Variants in B4GALNT2 observed in about 807,000 individuals in gnomAD.
B4GALNT2 encodes the protein N-acetylneuraminylgalactosylglucosyl-glucoside beta-1,4-N- acetylgalactosaminyltransferase 2.
A neutral mutation model predicts 51.1 loss-of-function variants in B4GALNT2; 42 were observed. That is an observed-to-expected ratio of 0.82 (90% CI 0.64 to 1.06). B4GALNT2 has a LOEUF of 1.06. Among genes scored for constraint, B4GALNT2 ranks in the 50% least tolerant of loss-of-function variants. The probability of loss-of-function intolerance (pLI) is 0.00; values close to 1 mark genes in which losing one functional copy is unlikely to be tolerated. For synonymous variants in B4GALNT2, 253 were observed against 251.7 expected, an observed-to-expected ratio of 1.01 and a Z score of -0.05; for missense variants, 602 against 633.6, an observed-to-expected ratio of 0.95 and a Z score of 0.54.
chr17:49,152,549 T>G (rs2042768246), intron 3 of B4GALNT2, among the ~76,000 whole-genome samples: 1 of 152,096 alleles, frequency 6.6e-6, no homozygotes. Flanking sequence ...GGAGGCGCAC[T>G]CCTATAATCC....
At chr17:49,141,039 A>AT (rs920301038) in intron 1 of B4GALNT2, among the ~76,000 whole-genome samples, 72 of 144,966 alleles carry the variant, frequency 5.0e-4, no homozygotes, top group African/African-American at 1.7e-3. Flanking sequence ...TTTTTTCTGG[A>AT]TTTTTTTGCC....
chr17:49,167,599 T>C (rs1429216070), intron 9 of B4GALNT2, among the ~76,000 whole-genome samples: 1 of 145,944 alleles, frequency 6.9e-6, no homozygotes, highest in East Asian at 2.0e-4. Flanking sequence ...TTTTCAACCC[T>C]CACCTACTCT....
intron 1 of B4GALNT2, among the ~76,000 whole-genome samples, chr17:49,133,567 C>T (rs1219423273): frequency 6.6e-6 from 1 of 152,184 alleles, no homozygotes; most frequent in Non-Finnish European, 1.5e-5. Context: ...AAGAAGTCAT[C>T]TCACAAAAAT....
chr17:49,137,271 G>A (rs566829839), intron 1 of B4GALNT2, among the ~76,000 whole-genome samples: 1 of 152,312 alleles, frequency 6.6e-6, no homozygotes, highest in African/African-American at 2.4e-5. Context: ...ATTAGACAAT[G>A]TTAAGAAATG....
At chr17:49,162,935 A>AAAAAC (rs2042878117) in intron 7 of B4GALNT2, among the ~76,000 whole-genome samples, 1 of 146,194 alleles carries the variant, frequency 6.8e-6, no homozygotes, top group African/African-American at 2.5e-5. Context: ...AAAAAAAAAA[A>AAAAAC]GGGCAAGAGG....
Position 49,175,510 on chromosome 17 carries a change from C to T in B4GALNT2, c.*5782C>T, listed in dbSNP as rs1466920821. 1 of 152,180 alleles carries T rather than the reference C, an allele frequency of 6.6e-6. No individual in the cohort carries two copies. The highest frequency in any genetic ancestry group is 1.5e-5 in the Non-Finnish European group (1 of 68,044). The allele number at this position is 152,180 out of a possible 1,614,324, so 9.4% of individuals were successfully genotyped here. On this transcript the variant is annotated 3_prime_UTR_variant, in exon 11 of 11. Coordinates refer to ENST00000393354, the MANE Select transcript of B4GALNT2 (RefSeq NM_001159387.2). ...CTACCTAGAAGTAATCCTATCATCCCCCCGGCAAGCATCCACAGACCCCTA... is the reference window on the plus strand; with the variant it reads ...CTACCTAGAAGTAATCCTATCATCCTCCCGGCAAGCATCCACAGACCCCTA...
At chr17:49,145,409 A>C (rs935089424) in intron 3 of B4GALNT2, among the ~76,000 whole-genome samples, 4 of 152,236 alleles carry the variant, frequency 2.6e-5, no homozygotes, top group Non-Finnish European at 5.9e-5. Flanking sequence ...AAATAAAATG[A>C]AGATATTTTC....
In B4GALNT2 at chr17:49,174,893, C is replaced by A. The variant is rs1418097072; in HGVS notation, c.*5165C>A. On this transcript the variant is annotated 3_prime_UTR_variant, in exon 11 of 11. Transcript: ENST00000393354. ...TTCCTAGTCCCATACCAGGGACATACCCCATTTCATGCACCATACGTTGAC... is the reference window on the plus strand; with the variant it reads ...TTCCTAGTCCCATACCAGGGACATAACCCATTTCATGCACCATACGTTGAC... 1.3e-5 allele frequency: 2 copies of A among 152,150 alleles called. No homozygotes were observed. Among genetic ancestry groups the A allele is most frequent in the African/African-American group, 2.4e-5 (1 of 41,442 alleles). The allele number at this position is 152,150 out of a possible 1,614,324, so 9.4% of individuals were successfully genotyped here.
At chr17:49,142,683 CTG>C (rs2042655857) in intron 3 of B4GALNT2, among the ~76,000 whole-genome samples, 2 of 151,604 alleles carry the variant, frequency 1.3e-5, no homozygotes, top group Admixed American at 6.6e-5. Flanking sequence ...CAGATTGAAA[CTG>C]TGTCTCCAAC....
the B4GALNT2 span, among the ~76,000 whole-genome samples, chr17:49,122,820 C>T: frequency 6.6e-6 from 1 of 152,328 alleles, no homozygotes; most frequent in South Asian, 2.1e-4. Context: ...GATTCTCTGT[C>T]TGATATTCCA....
intron 5 of B4GALNT2, among the ~76,000 whole-genome samples, chr17:49,158,821 C>T (rs973385739): frequency 6.6e-6 from 1 of 151,984 alleles, no homozygotes; most frequent in Non-Finnish European, 1.5e-5. Flanking sequence ...TGGGTCCTTT[C>T]ATCCTTGGGG....
At chr17:49,133,655 G>A (rs573380075) in intron 1 of B4GALNT2, among the ~76,000 whole-genome samples, 4 of 152,294 alleles carry the variant, frequency 2.6e-5, no homozygotes, top group African/African-American at 9.6e-5. Flanking sequence ...GCTCTCATCT[G>A]TAATCCCAGC....
the B4GALNT2 span, among the ~76,000 whole-genome samples, chr17:49,120,691 G>A: frequency 2.0e-5 from 3 of 152,000 alleles, no homozygotes; most frequent in Admixed American, 1.3e-4. Context: ...TGTATTTTTA[G>A]TAGAGACAGG....
intron 4 of B4GALNT2, among the ~76,000 whole-genome samples, chr17:49,154,687 A>T (rs1294624437): frequency 1.3e-5 from 2 of 152,040 alleles, no homozygotes; most frequent in Non-Finnish European, 2.9e-5. Flanking sequence ...CCTGAATTTC[A>T]CAAACCACAT....
intron 4 of B4GALNT2, 75 bp downstream of exon 4, chr17:49,152,981 G>T: frequency 1.5e-6 from 2 of 1,336,896 alleles, no homozygotes; most frequent in Non-Finnish European, 2.1e-6. Flanking sequence ...GAGAGGTCGG[G>T]TGCAGTGGCT....
chr17:49,141,927 G>A, intron 2 of B4GALNT2, 108 bp from the exon 3 acceptor site: 1 of 1,422,906 alleles, frequency 7.0e-7, no homozygotes, highest in South Asian at 1.3e-5. Flanking sequence ...TTGGGTGTAG[G>A]AAAGAAGATT....
At chr17:49,140,952 C>T (rs963996526) in intron 1 of B4GALNT2, among the ~76,000 whole-genome samples, 5 of 151,814 alleles carry the variant, frequency 3.3e-5, no homozygotes, top group African/African-American at 9.7e-5. Flanking sequence ...TTCTTGACCG[C>T]GTGATCCGCC....
At chr17:49,141,034 T>TC (rs2042638949) in intron 1 of B4GALNT2, among the ~76,000 whole-genome samples, 1 of 151,816 alleles carries the variant, frequency 6.6e-6, no homozygotes, top group Admixed American at 6.6e-5. Flanking sequence ...TTTTTTTTTT[T>TC]CTGGATTTTT....
At chr17:49,133,055 A>G in intron 1 of B4GALNT2, 5 of 1,499,640 alleles carry the variant, frequency 3.3e-6, no homozygotes, top group Non-Finnish European at 3.5e-6. Context: ...CCGTGGGAAA[A>G]TTCCACGTGG....
Sources: gnomAD v4.1 joint callset for allele counts (sites outside exome capture counted in the v4.1 genomes callset) on GRCh38, gnomAD v4.1.1 for gene constraint, MANE v1.5 for transcripts, NCBI Gene and HGNC (gene_info 2026-07-23, HGNC 2026-07-21) for gene names.